Variants in SSH1 observed in about 807,000 individuals in gnomAD.
The protein encoded by SSH1 is protein phosphatase Slingshot homolog 1.
Under a neutral mutation model 79.7 loss-of-function variants are expected in SSH1, and 43 were observed. The ratio of observed to expected loss-of-function variants is 0.54; its 90% confidence interval spans 0.42 to 0.70. The LOEUF (loss-of-function observed/expected upper bound fraction) is 0.70, where lower values mean the gene tolerates loss of function less well. Ranked by LOEUF, SSH1 falls within the 30% of genes least tolerant of loss-of-function variation. The probability of loss-of-function intolerance (pLI) is 0.00; values close to 1 mark genes in which losing one functional copy is unlikely to be tolerated. For synonymous variants in SSH1, 599 were observed against 538.3 expected (o/e 1.11, Z -1.56); for missense variants, 1,206 against 1,358.8 (o/e 0.89, Z 1.77).
chr12:108,846,273 C>T (rs539516316), intron 2 of SSH1, among the ~76,000 whole-genome samples: 4 of 152,244 alleles, frequency 2.6e-5, no homozygotes, highest in African/African-American at 9.6e-5. Context: ...ACCACGTTCC[C>T]GCAATTGACT....
intron 2 of SSH1, among the ~76,000 whole-genome samples, chr12:108,827,002 A>G (rs991425148): frequency 7.5e-6 from 1 of 132,596 alleles, no homozygotes; most frequent in African/African-American, 2.9e-5. Flanking sequence ...TTGATGAGGG[A>G]TAAAAAAAAA....
chr12:108,789,274 G>A lies in SSH1; in HGVS notation c.1894-30C>T, dbSNP rs781187013. On this transcript the variant is annotated intron_variant, in intron 14 of 14. Transcript: ENST00000326495. Reference sequence around the variant, plus strand: ...AAGGAAGGGGACAAGAGCATGGTGAGACGGTGCAGTCATGAGCCAAAGACC... The same window carrying A: ...AAGGAAGGGGACAAGAGCATGGTGAAACGGTGCAGTCATGAGCCAAAGACC... The A allele has an allele frequency of 1.4e-5, 22 of 1,573,052 alleles. No homozygotes were observed. The East Asian group carries it at 2.3e-4, about 16-fold the overall frequency.
At position 108,857,155 on chromosome 12, in the gene SSH1, G is replaced by A. The variant is rs530631782; in HGVS notation, c.69+273C>T. On this transcript the variant is annotated intron_variant, in intron 1 of 14. Transcript: ENST00000326495. The surrounding 1 kb of genome is among the most constrained non-coding windows in gnomAD (Gnocchi z 4.7). ...ACACAGTATCCTGCAGACACTCCCA[G>A]AGGGGTCGCACTGCATACACAGTCC... is the stretch of plus-strand genomic sequence containing the variant. Among the ~76,000 whole-genome samples the A allele has an allele frequency of 5.3e-5, 8 of 152,328 alleles. No homozygotes were observed. In the South Asian group the frequency reaches 1.4e-3, roughly 28 times the overall value.
chr12:108,841,803 A>G (rs1049038400), intron 2 of SSH1, among the ~76,000 whole-genome samples: 4 of 148,948 alleles, frequency 2.7e-5, no homozygotes, highest in Non-Finnish European at 5.9e-5. Flanking sequence ...GCAAGTCTCC[A>G]TCCCCCCCCA....
intron 7 of SSH1, 62 bp downstream of exon 7, chr12:108,809,631 A>C (rs532726150): frequency 6.9e-7 from 1 of 1,443,708 alleles, no homozygotes; most frequent in East Asian, 2.3e-5. Context: ...GGGTTTTTCT[A>C]TTCATGCTGT....
At chr12:108,825,406 C>T (rs1333229347) in intron 2 of SSH1, among the ~76,000 whole-genome samples, 1 of 152,220 alleles carries the variant, frequency 6.6e-6, no homozygotes, top group Non-Finnish European at 1.5e-5. Flanking sequence ...CAGGAACTAG[C>T]ATTTCCAATC....
At position 108,837,753 on chromosome 12, in the gene SSH1, A is replaced by G. The variant is rs376117256; in HGVS notation, c.111-14392T>C. Among the ~76,000 whole-genome samples the G allele has an allele frequency of 9.6e-4, 146 of 152,068 alleles. 1 individual carries two copies. In the South Asian group the frequency reaches 0.03, roughly 31 times the overall value. On this transcript the variant is annotated intron_variant, in intron 2 of 14. Coordinates refer to ENST00000326495, the MANE Select transcript of SSH1 (RefSeq NM_018984.4). ...GTATTAATCATTTGTATGTGTTGGG[A>G]GCATTACAAGTTTTCGAGTTACCAA...
intron 13 of SSH1, among the ~76,000 whole-genome samples, chr12:108,798,081 A>T (rs2036828317): frequency 6.6e-6 from 1 of 152,208 alleles, no homozygotes; most frequent in Admixed American, 6.5e-5. Context: ...CTCCTGCCAG[A>T]GCAAAGAGGC....
chr12:108,808,159 AAT>A (rs1390296986), intron 7 of SSH1, among the ~76,000 whole-genome samples: 1 of 152,178 alleles, frequency 6.6e-6, no homozygotes, highest in Non-Finnish European at 1.5e-5. Context: ...GCTGGTCTTG[AAT>A]TCCTAGCCTC....
Position 108,788,554 on chromosome 12 carries a change from G to C in SSH1, c.2584C>G (p.Pro862Ala). Residue 862 changes from proline (P) to alanine (A), a missense_variant, in exon 15 of 15, where the codon CCA (proline) becomes GCA (alanine). Physicochemically the swap from Pro to Ala is conservative, Grantham distance 27. This residue lies in a region of SSH1 where 709 missense variants were observed against 730.6 expected (regional missense o/e 0.97). Coordinates refer to ENST00000326495, the MANE Select transcript of SSH1 (RefSeq NM_018984.4). ...GGGCCCAGCTCGTGGAGCGCGGCTG[G>C]ATCCTGGCTCTCCTCGGGGATGCTG... Reference protein sequence around the residue: ...EASIPEESQDPAALHELGPLV... With the variant: ...EASIPEESQDAAALHELGPLV... 1.3e-6 allele frequency: 2 copies of C among 1,587,814 alleles called. No individual in the cohort carries two copies. The highest frequency in any genetic ancestry group is 1.7e-6 in the Non-Finnish European group (2 of 1,165,550).
At chr12:108,818,186 A>C in intron 4 of SSH1, 63 bp downstream of exon 4, 1,348 of 1,172,046 alleles carry the variant, frequency 1.2e-3, no homozygotes, top group Non-Finnish European at 1.6e-3. Flanking sequence ...CAACAGAGCA[A>C]GACCCTCATC....
At position 108,795,957 on chromosome 12, in the gene SSH1, G is replaced by T. The variant is rs529448123; in HGVS notation, c.1349+3043C>A. Among the ~76,000 whole-genome samples the T allele has an allele frequency of 6.7e-4, 102 of 152,070 alleles. 1 individual carries two copies. Among genetic ancestry groups the T allele is most frequent in the African/African-American group, 2.4e-3 (101 of 41,488 alleles). On this transcript the variant is annotated intron_variant, in intron 13 of 14. Coordinates refer to ENST00000326495, the MANE Select transcript of SSH1 (RefSeq NM_018984.4). ...AGGTCTCGCTCTGTTGCTCAGGCTG[G>T]AGTGCAGTGATGCGATCATGGCTCA...
chr12:108,792,485 TCA>T lies in SSH1; in HGVS notation c.1692_1693del (p.Cys564Ter), dbSNP rs1487464498. On this transcript the variant is annotated stop_gained and frameshift_variant, in exon 14 of 15. Transcript: ENST00000326495. LOFTEE classifies it high-confidence loss of function. ...CTCTAGTTTCTTCTTCACATCCTTCTCACAGAGTCCGGAACCTTGCTGGGGCT... is the reference window on the plus strand; with the variant it reads ...CTCTAGTTTCTTCTTCACATCCTTCTCAGAGTCCGGAACCTTGCTGGGGCT... 1.2e-6 allele frequency: 2 copies of T among 1,614,198 alleles called. No individual in the cohort carries two copies. Among genetic ancestry groups the T allele is most frequent in the Non-Finnish European group, 1.7e-6 (2 of 1,180,030 alleles).
chr12:108,813,225 CAGA>C (rs1443236819), intron 5 of SSH1, among the ~76,000 whole-genome samples: 2 of 152,174 alleles, frequency 1.3e-5, no homozygotes, highest in South Asian at 2.1e-4. Context: ...GGAGCAATTG[CAGA>C]AGAAGAAAGC....
intron 6 of SSH1, among the ~76,000 whole-genome samples, chr12:108,810,068 G>A (rs1255804478): frequency 1.3e-5 from 2 of 152,022 alleles, no homozygotes; most frequent in African/African-American, 2.4e-5. Flanking sequence ...CGTGGTTCCT[G>A]CCTCCCTGCC....
At chr12:108,805,431 T>C (rs1377298552) in intron 9 of SSH1, among the ~76,000 whole-genome samples, 3 of 152,250 alleles carry the variant, frequency 2.0e-5, no homozygotes, top group African/African-American at 7.2e-5. Context: ...TTGATTTCCA[T>C]GAGATCTCTT....
chr12:108,787,583 T>A lies in SSH1; in HGVS notation c.*405A>T. On this transcript the variant is annotated 3_prime_UTR_variant, in exon 15 of 15. Transcript: ENST00000326495. ...AGGACTTAATGTTGCCATCCGAGAG[T>A]TTTCTGCGAGGCCAAGAATGAGCTA... 1 of 200,162 alleles carries A rather than the reference T, an allele frequency of 5.0e-6. No homozygotes were observed. Among genetic ancestry groups the A allele is most frequent in the Non-Finnish European group, 1.0e-5 (1 of 96,926 alleles). The allele number at this position is 200,162 out of a possible 1,614,324, so 12.4% of individuals were successfully genotyped here.
chr12:108,853,250 T>A, intron 1 of SSH1: 2 of 985,392 alleles, frequency 2.0e-6, no homozygotes, highest in Non-Finnish European at 2.4e-6. Flanking sequence ...GCTATCGGTT[T>A]ATTTATATAA....
At chr12:108,809,891 A>G in intron 6 of SSH1, 133 bp from the exon 7 acceptor site, 1 of 780,926 alleles carries the variant, frequency 1.3e-6, no homozygotes, top group Non-Finnish European at 2.3e-6. Context: ...ATGATGAGGG[A>G]TTTTACGGAA....
Sources: allele counts gnomAD v4.1 joint callset (sites outside exome capture counted in the v4.1 genomes callset), GRCh38; gene constraint gnomAD v4.1.1; regional missense constraint gnomAD v4.1.1; non-coding constraint Gnocchi (gnomAD v3.1); transcripts MANE v1.5; gene names NCBI Gene and HGNC (gene_info 2026-07-23, HGNC 2026-07-21).